AXIN1: variants seen among roughly 807,000 people sequenced by gnomAD.
AXIN1 encodes the protein axin 1, also known as axin-1.
In AXIN1, 30 loss-of-function variants were observed where a neutral mutation model predicts 76.4. The observed-to-expected ratio is 0.39, with a 90% CI of 0.29 to 0.53. The LOEUF is 0.53. AXIN1 is among the 20% of genes least tolerant of loss of function. The probability of loss-of-function intolerance (pLI) is 0.66; values close to 1 mark genes in which losing one functional copy is unlikely to be tolerated. For missense variants in AXIN1, 1,140 were observed against 1,198.8 expected (o/e 0.95, Z 0.72); for synonymous variants, 545 against 501.4 (o/e 1.09, Z -1.16).
At chr16:313,569 T>C (rs868661471) in intron 3 of AXIN1, among the ~76,000 whole-genome samples, 9 of 152,216 alleles carry the variant, frequency 5.9e-5, no homozygotes, top group Non-Finnish European at 8.8e-5. Context: ...ATGCTGAGGC[T>C]GCTGCAGGGA....
intron 2 of AXIN1, among the ~76,000 whole-genome samples, chr16:337,853 C>A (rs940966967): frequency 6.6e-6 from 1 of 152,232 alleles, no homozygotes; most frequent in African/African-American, 2.4e-5. Context: ...CCTCTGGGGG[C>A]CCCCTGGACG....
chr16:346,161 C>CT lies in AXIN1; in HGVS notation c.864dup (p.Gly289ArgfsTer62), dbSNP rs1376509468. 6.2e-7 allele frequency: 1 copy of CT among 1,613,670 alleles called. No homozygotes were observed. The highest frequency in any genetic ancestry group is 8.5e-7 in the Non-Finnish European group (1 of 1,180,044). On this transcript the variant is annotated frameshift_variant, in exon 2 of 11. Coordinates refer to ENST00000262320, the MANE Select transcript of AXIN1 (RefSeq NM_003502.4). LOFTEE classifies it high-confidence loss of function. ...CGTCGGACTCACCTGAACTCTCTGC[C>CT]TTCGCTGTACCGTCTACTGGAGGAG...
chr16:304,685 C>A (rs1158124371), intron 4 of AXIN1, among the ~76,000 whole-genome samples: 2 of 152,096 alleles, frequency 1.3e-5, no homozygotes, highest in Non-Finnish European at 2.9e-5. Flanking sequence ...CAGGTGCCCG[C>A]CACCACGCCT....
At chr16:319,816 C>G (rs1440593662) in intron 2 of AXIN1, among the ~76,000 whole-genome samples, 1 of 152,176 alleles carries the variant, frequency 6.6e-6, no homozygotes, top group Non-Finnish European at 1.5e-5. Context: ...GGTAGCATAA[C>G]AATTTTTCCT....
intron 10 of AXIN1, among the ~76,000 whole-genome samples, chr16:288,991 G>A (rs1009755742): frequency 6.6e-6 from 1 of 152,254 alleles, no homozygotes; most frequent in Non-Finnish European, 1.5e-5. Context: ...GGGGCCGAAA[G>A]CCTGATGCCA....
At chr16:341,618 G>A (rs918938192) in intron 2 of AXIN1, among the ~76,000 whole-genome samples, 1 of 152,276 alleles carries the variant, frequency 6.6e-6, no homozygotes, top group African/African-American at 2.4e-5. Flanking sequence ...CCCAAGGGCT[G>A]AGGAGTGCGG....
At chr16:321,889 G>A (rs891057953) in intron 2 of AXIN1, among the ~76,000 whole-genome samples, 1 of 152,238 alleles carries the variant, frequency 6.6e-6, no homozygotes, top group Non-Finnish European at 1.5e-5. Flanking sequence ...AATGCTTCAG[G>A]CTGGTTGTAA....
intron 2 of AXIN1, among the ~76,000 whole-genome samples, chr16:317,554 G>A (rs1027712058): frequency 1.3e-4 from 20 of 152,318 alleles, no homozygotes; most frequent in African/African-American, 4.3e-4. Context: ...GCCAGGTGAC[G>A]GCAGCCTCAG....
chr16:345,253 A>G (rs988227590), intron 2 of AXIN1, among the ~76,000 whole-genome samples: 1 of 152,126 alleles, frequency 6.6e-6, no homozygotes, highest in African/African-American at 2.4e-5. Flanking sequence ...GCTGCTGTGG[A>G]CTACACAACA....
chr16:289,159 G>C (rs1021124574), intron 10 of AXIN1, among the ~76,000 whole-genome samples: 5 of 151,766 alleles, frequency 3.3e-5, no homozygotes, highest in Admixed American at 2.6e-4. Flanking sequence ...CGTGATCTCA[G>C]CTCACTGCAA....
intron 8 of AXIN1, chr16:292,261 A>AG (rs1215180536): frequency 6.6e-6 from 1 of 152,460 alleles, no homozygotes; most frequent in East Asian, 1.9e-4. Context: ...CCTGCATGGC[A>AG]GGGGGCTCCA....
chr16:314,437 G>A, intron 3 of AXIN1, 106 bp downstream of exon 3: 1 of 1,543,786 alleles, frequency 6.5e-7, no homozygotes, highest in South Asian at 1.2e-5. Context: ...GAAACAGGGT[G>A]TCTGGGGCAG....
intron 3 of AXIN1, among the ~76,000 whole-genome samples, chr16:314,040 T>G (rs1334711065): frequency 6.6e-6 from 1 of 152,142 alleles, no homozygotes; most frequent in African/African-American, 2.4e-5. Flanking sequence ...ACCACATCAC[T>G]CGCCACAGCC....
Position 291,173 on chromosome 16 carries a change from C to T in AXIN1, c.2294+17G>A. On this transcript the variant is annotated intron_variant, in intron 9 of 10. Coordinates refer to ENST00000262320, the MANE Select transcript of AXIN1 (RefSeq NM_003502.4). ...CTGGGGTGGGCAGGACCGGGAGGAC[C>T]CTCAGGACGCACGTACTCTGTCTCG... 6.4e-7 allele frequency: 1 copy of T among 1,566,068 alleles called. No homozygotes were observed. The highest frequency in any genetic ancestry group is 1.2e-5 in the South Asian group (1 of 85,568).
chr16:320,743 A>ATATATTTTTTTTTTTT (rs397722732), intron 2 of AXIN1, among the ~76,000 whole-genome samples: 1 of 107,664 alleles, frequency 9.3e-6, no homozygotes, highest in African/African-American at 4.6e-5. Context: ...ATATATATAT[A>ATATATTTTTTTTTTTT]TTTTTTTTTT....
intron 7 of AXIN1, among the ~76,000 whole-genome samples, chr16:296,505 G>A (rs2141499136): frequency 6.6e-6 from 1 of 152,328 alleles, no homozygotes; most frequent in East Asian, 1.9e-4. Flanking sequence ...GCGAGCAGGA[G>A]CAACACCAAG....
At chr16:301,225 C>T (rs552836926) in intron 5 of AXIN1, among the ~76,000 whole-genome samples, 1 of 150,596 alleles carries the variant, frequency 6.6e-6, no homozygotes, top group South Asian at 2.1e-4. Context: ...GAGCTGAGAT[C>T]GTGCCACTGC....
chr16:303,181 T>A (rs1472985801), intron 5 of AXIN1, among the ~76,000 whole-genome samples: 1 of 151,780 alleles, frequency 6.6e-6, no homozygotes. Flanking sequence ...GCCTTGCAAG[T>A]GAGACGACCA....
At chr16:340,782 A>G (rs2053901075) in intron 2 of AXIN1, among the ~76,000 whole-genome samples, 1 of 152,214 alleles carries the variant, frequency 6.6e-6, no homozygotes, top group Non-Finnish European at 1.5e-5. Flanking sequence ...GGACAAACAC[A>G]GAAAAGGGCC....
Sources: allele counts gnomAD v4.1 joint callset (sites outside exome capture counted in the v4.1 genomes callset), GRCh38; gene constraint gnomAD v4.1.1; transcripts MANE v1.5; gene names NCBI Gene and HGNC (gene_info 2026-07-23, HGNC 2026-07-21).